Variants in SMYD3 observed in about 807,000 individuals in gnomAD.
SMYD3 encodes the protein histone-lysine N-methyltransferase SMYD3.
A neutral mutation model predicts 57.7 loss-of-function variants in SMYD3; 36 were observed. The ratio of observed to expected loss-of-function variants is 0.62; its 90% CI spans 0.48 to 0.82. The LOEUF is 0.82. SMYD3 is among the 40% of genes least tolerant of loss of function. The pLI is 0.00. For missense variants in SMYD3, 515 were observed against 538.8 expected (o/e 0.96, Z 0.44); for synonymous variants, 211 against 195.0 (o/e 1.08, Z -0.68).
intron 5 of SMYD3, among the ~76,000 whole-genome samples, chr1:245,976,922 C>T (rs111427731): frequency 1.8e-5 from 1 of 55,954 alleles, no homozygotes; most frequent in Non-Finnish European, 4.3e-5. Flanking sequence ...GGAAAGCCAT[C>T]GTCTCTAGCC....
At chr1:245,769,425 A>G (rs1054444325) in intron 10 of SMYD3, among the ~76,000 whole-genome samples, 6 of 152,244 alleles carry the variant, frequency 3.9e-5, no homozygotes, top group African/African-American at 1.4e-4. Context: ...AACAAGGGAC[A>G]GAGGGACAAG....
chr1:246,269,565 GTT>G (rs2064180236), intron 5 of SMYD3, among the ~76,000 whole-genome samples: 1 of 98,164 alleles, frequency 1.0e-5, no homozygotes, highest in Non-Finnish European at 2.2e-5. Context: ...TGTTTTTGTT[GTT>G]TTGTTTTGTT....
chr1:246,020,953 C>G (rs1454481969), intron 5 of SMYD3, among the ~76,000 whole-genome samples: 1 of 152,166 alleles, frequency 6.6e-6, no homozygotes, highest in Non-Finnish European at 1.5e-5. Context: ...TGAGCATGTA[C>G]CTGTTCATAC....
intron 5 of SMYD3, among the ~76,000 whole-genome samples, chr1:245,981,914 C>G (rs567786350): frequency 3.0e-4 from 45 of 152,336 alleles, no homozygotes; most frequent in Admixed American, 2.0e-3. Context: ...GGTCTTCAAA[C>G]CAGGCTTGGG....
At chr1:245,971,537 G>A (rs778094273) in intron 5 of SMYD3, among the ~76,000 whole-genome samples, 1 of 152,152 alleles carries the variant, frequency 6.6e-6, no homozygotes, top group Non-Finnish European at 1.5e-5. Context: ...TTAAGAGAAC[G>A]CACACGCTCT....
At chr1:246,420,178 G>A (rs553121692) in intron 1 of SMYD3, among the ~76,000 whole-genome samples, 116 of 148,696 alleles carry the variant, frequency 7.8e-4, no homozygotes, top group Non-Finnish European at 1.4e-3. Flanking sequence ...CAGCCTGGGC[G>A]ACAGAGCAAG....
rs574566768 is a variant in SMYD3, at chr1:245,913,125, A to G, written c.813+2405T>C. Among the ~76,000 whole-genome samples the G allele has an allele frequency of 3.0e-3, 463 of 152,212 alleles. 1 individual carries two copies. The highest frequency in any genetic ancestry group is 0.011 in the African/African-American group (453 of 41,512). On this transcript the variant is annotated intron_variant, in intron 8 of 11. Coordinates refer to ENST00000490107, the MANE Select transcript of SMYD3 (RefSeq NM_001167740.2). Reference sequence around the variant, plus strand: ...TTGGAACCAACCCAAATGTCCAACAATGATAGACTGGATTAAGAAAATGTG... The same window carrying G: ...TTGGAACCAACCCAAATGTCCAACAGTGATAGACTGGATTAAGAAAATGTG...
intron 5 of SMYD3, among the ~76,000 whole-genome samples, chr1:246,071,572 A>T (rs2060444527): frequency 6.6e-6 from 1 of 152,212 alleles, no homozygotes; most frequent in South Asian, 2.1e-4. Context: ...ACAATCCTGA[A>T]TGCCATCATC....
intron 1 of SMYD3, among the ~76,000 whole-genome samples, chr1:246,398,827 T>C (rs1003471425): frequency 2.6e-5 from 4 of 152,012 alleles, no homozygotes; most frequent in Non-Finnish European, 1.5e-5. Flanking sequence ...ATTCAAGAAC[T>C]AGTGATGAGT....
chr1:245,929,736 A>T (rs1463962831), intron 6 of SMYD3, 134 bp downstream of exon 6: 2 of 679,862 alleles, frequency 2.9e-6, no homozygotes, highest in African/African-American at 1.8e-5. Flanking sequence ...ATTTTTTTGT[A>T]ATTTATTGCT....
chr1:246,163,990 G>A (rs551530203), intron 5 of SMYD3, among the ~76,000 whole-genome samples: 5 of 152,242 alleles, frequency 3.3e-5, no homozygotes, highest in African/African-American at 1.2e-4. Flanking sequence ...AGGAGGGAAG[G>A]TGCCATTTTG....
chr1:246,487,016 G>C (rs1385929818), intron 1 of SMYD3, among the ~76,000 whole-genome samples: 1 of 152,086 alleles, frequency 6.6e-6, no homozygotes. Context: ...TAGAAAATAT[G>C]GTCTAGAACT....
At position 246,355,827 on chromosome 1, in the gene SMYD3, A is replaced by G. The variant is rs2065903126; in HGVS notation, c.165-733T>C. 6.6e-6 allele frequency among the ~76,000 whole-genome samples: 1 copy of G among 152,082 alleles called. No individual in the cohort carries two copies. The highest frequency in any genetic ancestry group is 1.5e-5 in the Non-Finnish European group (1 of 68,004). Reference sequence around the variant, plus strand: ...GGAGAATCTGAGCTCAGACACACCTATCCCTGCCCCCTGGTGGTCTTTCTC... The same window carrying G: ...GGAGAATCTGAGCTCAGACACACCTGTCCCTGCCCCCTGGTGGTCTTTCTC... On this transcript the variant is annotated intron_variant, in intron 1 of 11. Coordinates refer to ENST00000490107, the MANE Select transcript of SMYD3 (RefSeq NM_001167740.2). This position sits in a 1 kb window ranked among gnomAD's most constrained non-coding sequence, Gnocchi z 5.0.
chr1:245,947,842 T>C (rs2057477020), intron 5 of SMYD3, among the ~76,000 whole-genome samples: 1 of 152,250 alleles, frequency 6.6e-6, no homozygotes, highest in East Asian at 1.9e-4. Flanking sequence ...TATCTCAGAA[T>C]TAATGAAATA....
At chr1:246,402,156 T>A (rs1416916622) in intron 1 of SMYD3, among the ~76,000 whole-genome samples, 7 of 152,112 alleles carry the variant, frequency 4.6e-5, no homozygotes, top group Non-Finnish European at 8.8e-5. Context: ...GTGATATTTT[T>A]ACTGTAATCA....
intron 5 of SMYD3, among the ~76,000 whole-genome samples, chr1:245,953,068 C>T (rs1055056303): frequency 3.3e-5 from 5 of 152,114 alleles, no homozygotes; most frequent in African/African-American, 1.2e-4. Flanking sequence ...GGAATTTGGT[C>T]GGCATGTGAT....
chr1:245,892,904 T>C (rs1243734272), intron 8 of SMYD3, among the ~76,000 whole-genome samples: 1 of 152,176 alleles, frequency 6.6e-6, no homozygotes, highest in African/African-American at 2.4e-5. Flanking sequence ...AATTTAAAAC[T>C]TCTGCTTTTC....
At chr1:246,326,607 A>AAT (rs1553333777) in intron 5 of SMYD3, among the ~76,000 whole-genome samples, 222 of 149,242 alleles carry the variant, frequency 1.5e-3, no homozygotes, top group East Asian at 4.6e-3. Flanking sequence ...AAAAAAAAAA[A>AAT]ACAAAATTTA....
chr1:246,358,739 T>C (rs549526039), intron 1 of SMYD3, among the ~76,000 whole-genome samples: 1 of 152,288 alleles, frequency 6.6e-6, no homozygotes, highest in South Asian at 2.1e-4. Context: ...GAAATCAAGA[T>C]GGAAATTTAA....
Sources: allele counts gnomAD v4.1 joint callset (sites outside exome capture counted in the v4.1 genomes callset), GRCh38; gene constraint gnomAD v4.1.1; non-coding constraint Gnocchi (gnomAD v3.1); transcripts MANE v1.5; gene names NCBI Gene and HGNC (gene_info 2026-07-23, HGNC 2026-07-21).